Variants in ZNF574 observed in about 807,000 individuals in gnomAD.
ZNF574 encodes the protein zinc finger protein 574.
In ZNF574, 25 loss-of-function variants were observed where a neutral mutation model predicts 56.6. The observed-to-expected ratio is 0.44, with a 90% confidence interval of 0.32 to 0.62. ZNF574 has a LOEUF of 0.62. Ranked by LOEUF, ZNF574 falls within the 20% of genes least tolerant of loss-of-function variation. The pLI is 0.04. For synonymous variants in ZNF574, 543 were observed against 492.1 expected, an observed-to-expected ratio of 1.10 and a Z score of -1.37; for missense variants, 1,065 against 1,218.9, an observed-to-expected ratio of 0.87 and a Z score of 1.88.
intron 1 of ZNF574, chr19:42,070,487 G>C (rs921221516): frequency 1.3e-5 from 2 of 152,968 alleles, no homozygotes; most frequent in African/African-American, 4.8e-5. Context: ...TGAGAGGCAA[G>C]AAGACCCAGG....
At position 42,080,670 on chromosome 19, in the gene ZNF574, C is replaced by G. The variant is rs1568946150; in HGVS notation, c.2064C>G (p.Ala688=). Residue 688 remains alanine, a synonymous_variant, in exon 2 of 2, where the codon GCC becomes GCG. Coordinates refer to ENST00000359044, the MANE Select transcript of ZNF574 (RefSeq NM_022752.6). This position sits in a 1 kb window ranked among gnomAD's most constrained non-coding sequence, Gnocchi z 8.5. ...SAARLQAHEA[A]HAAAGPGEVL... ...CTCGACTGCAGGCACACGAGGCGGCCCATGCAGCTGCTGGGCCTGGAGAGG... is the reference window on the plus strand; with the variant it reads ...CTCGACTGCAGGCACACGAGGCGGCGCATGCAGCTGCTGGGCCTGGAGAGG... 1 of 1,613,174 alleles carries G rather than the reference C, an allele frequency of 6.2e-7. No individual in the cohort carries two copies. The highest frequency in any genetic ancestry group is 2.2e-5 in the East Asian group (1 of 44,870).
Position 42,080,384 on chromosome 19 carries a change from G to T in ZNF574, c.1778G>T (p.Arg593Leu). Residue 593 changes from arginine to leucine, a missense_variant, in exon 2 of 2, where the codon CGC (arginine) becomes CTC (leucine). Physicochemically the swap from Arg to Leu is moderately radical, Grantham distance 102 (BLOSUM62 -2). Coordinates refer to ENST00000359044, the MANE Select transcript of ZNF574 (RefSeq NM_022752.6). This position sits in a 1 kb window ranked among gnomAD's most constrained non-coding sequence, Gnocchi z 8.5. ...ECGVRFHRPY[R>L]LLMHRYHHTG... ...GGGGTGCGTTTTCACCGTCCTTACC[G>T]CCTGCTCATGCACCGCTACCATCAC... 1.2e-6 allele frequency: 2 copies of T among 1,614,204 alleles called. No individual in the cohort carries two copies. The highest frequency in any genetic ancestry group is 2.2e-5 in the East Asian group (1 of 44,888).
chr19:42,079,738 C>G lies in ZNF574; in HGVS notation c.1132C>G (p.Leu378Val). ...DCGLAFGTEA[L>V]LLAHRRAHTP... ...TGGCCTGGCCTTCGGCACAGAGGCCCTCCTCCTGGCCCACCGGCGAGCCCA... is the reference window on the plus strand; with the variant it reads ...TGGCCTGGCCTTCGGCACAGAGGCCGTCCTCCTGGCCCACCGGCGAGCCCA... Residue 378 changes from leucine to valine, a missense_variant, in exon 2 of 2, where the codon CTC (leucine) becomes GTC (valine). Leu to Val is a conservative substitution (Grantham distance 32, BLOSUM62 1). Transcript: ENST00000359044. This position sits in a 1 kb window ranked among gnomAD's most constrained non-coding sequence, Gnocchi z 4.3. The G allele has an allele frequency of 6.2e-7, 1 of 1,614,162 alleles. No individual in the cohort carries two copies. The highest frequency in any genetic ancestry group is 8.5e-7 in the Non-Finnish European group (1 of 1,180,034).
Position 42,080,256 on chromosome 19 carries a change from C to T in ZNF574, c.1650C>T (p.Pro550=), listed in dbSNP as rs1464573535. 2 of 1,614,150 alleles carry T rather than the reference C, an allele frequency of 1.2e-6. No individual in the cohort carries two copies. Among genetic ancestry groups the T allele is most frequent in the Non-Finnish European group, 1.7e-6 (2 of 1,180,026 alleles). Residue 550 remains proline, a synonymous_variant, in exon 2 of 2, where the codon CCC becomes CCT. Transcript: ENST00000359044. This position sits in a 1 kb window ranked among gnomAD's most constrained non-coding sequence, Gnocchi z 8.5. ...RHRLTHTGER[P]YRCGDCGKAF... ...GGCTCACACACACAGGAGAGCGGCC[C>T]TACCGGTGTGGGGACTGTGGCAAGG... is the stretch of plus-strand genomic sequence containing the variant.
At chr19:42,071,729 G>A (rs2146206097), upstream of ZNF574, among the ~76,000 whole-genome samples, 1 of 152,176 alleles carries the variant, frequency 6.6e-6, no homozygotes, top group East Asian at 1.9e-4. Flanking sequence ...TTTCGACCAG[G>A]GCGGTGGCTC....
chr19:42,072,615 G>A (rs2076431862), upstream of ZNF574, among the ~76,000 whole-genome samples: 1 of 149,798 alleles, frequency 6.7e-6, no homozygotes, highest in Non-Finnish European at 1.5e-5. Flanking sequence ...TGCCTAGGTT[G>A]GAGTGCAATG....
chr19:42,068,756 A>G, exon 1 of ZNF574: 1 of 512,840 alleles, frequency 1.9e-6, no homozygotes, highest in Non-Finnish European at 3.5e-6. Context: ...GAAGTTGGGC[A>G]GAGTCAGAGA....
At chr19:42,078,547 G>A (rs770894176) in intron 1 of ZNF574, 40 bp from the exon 2 acceptor site, 26 of 1,543,240 alleles carry the variant, frequency 1.7e-5, no homozygotes, top group East Asian at 4.5e-5. Context: ...CTGAGGAATC[G>A]GTGACCTAAC....
upstream of ZNF574, among the ~76,000 whole-genome samples, chr19:42,073,976 T>C (rs1421768773): frequency 6.7e-6 from 1 of 148,772 alleles, no homozygotes; most frequent in African/African-American, 2.5e-5. Context: ...CTACTAAAAA[T>C]ACAAAAATTA....
chr19:42,074,571 G>A (rs577875947), upstream of ZNF574: 1 of 152,278 alleles, frequency 6.6e-6, no homozygotes, highest in East Asian at 1.9e-4. Flanking sequence ...GGGCTCACAT[G>A]AAATGGGGCT....
At position 42,079,624 on chromosome 19, in the gene ZNF574, C is replaced by T. The variant is rs774900496; in HGVS notation, c.1018C>T (p.Leu340=). 38 of 1,614,050 alleles carry T rather than the reference C, an allele frequency of 2.4e-5. No individual in the cohort carries two copies. The highest frequency in any genetic ancestry group is 1.2e-5 in the Non-Finnish European group (14 of 1,180,044). The change falls in exon 2 of 2, where the codon CTG becomes TTG. Residue 340 remains leucine, a synonymous_variant. Transcript: ENST00000359044. This position sits in a 1 kb window ranked among gnomAD's most constrained non-coding sequence, Gnocchi z 4.3. ...CCGGGAGGGCGTCTTTAAGTGCCCC[C>T]TGTGCAGTCGTGTCTTCCCTAGCCC... ...SHREGVFKCP[L]CSRVFPSPSS...
intron 1 of ZNF574, chr19:42,069,219 T>G: frequency 3.5e-6 from 1 of 289,752 alleles, no homozygotes; most frequent in Non-Finnish European, 6.4e-6. Context: ...CCCAGCCCAA[T>G]CCCTGCCCTG....
chr19:42,072,158 C>T (rs2076428854), upstream of ZNF574, among the ~76,000 whole-genome samples: 1 of 152,086 alleles, frequency 6.6e-6, no homozygotes, highest in Non-Finnish European at 1.5e-5. Flanking sequence ...ACCTGCACCA[C>T]CCAAATCAAG....
In ZNF574 at chr19:42,079,994, C is replaced by T. The variant is rs1555885817; in HGVS notation, c.1388C>T (p.Pro463Leu). 6.2e-7 allele frequency: 1 copy of T among 1,613,974 alleles called. No homozygotes were observed. The highest frequency in any genetic ancestry group is 2.2e-5 in the East Asian group (1 of 44,880). Residue 463 changes from proline to leucine, a missense_variant, in exon 2 of 2, where the codon CCA (proline) becomes CTA (leucine). By Grantham distance (98) the Pro-to-Leu change is moderately conservative. Transcript: ENST00000359044. This position sits in a 1 kb window ranked among gnomAD's most constrained non-coding sequence, Gnocchi z 4.3. ...SEETSAGPAA[P>L]GTYRCLLCSR... ...GAGACCTCAGCAGGGCCCGCTGCCC[C>T]AGGCACCTACCGCTGCCTCCTGTGC...
rs781130267 is a variant in ZNF574, at chr19:42,081,366, A to C, written c.*69A>C. On this transcript the variant is annotated 3_prime_UTR_variant, in exon 2 of 2. Coordinates refer to ENST00000359044, the MANE Select transcript of ZNF574 (RefSeq NM_022752.6). ...AAGGCCCTCCAGCATCCCCTTAAGC[A>C]TCTGTACATACTGTGTCCCTTCCTC... The C allele has an allele frequency of 6.3e-7, 1 of 1,578,930 alleles. No individual in the cohort carries two copies. The highest frequency in any genetic ancestry group is 2.2e-5 in the East Asian group (1 of 44,710).
At chr19:42,072,568 C>CT (rs888861060), upstream of ZNF574, among the ~76,000 whole-genome samples, 696 of 144,090 alleles carry the variant, frequency 4.8e-3, 2 homozygotes, top group African/African-American at 0.014. Flanking sequence ...TTCTTTCTTT[C>CT]TTTTTTTTTT....
rs1276664355 is a variant in ZNF574, at chr19:42,079,736, CCCT to C, written c.1137_1139del (p.Leu380del). 2 of 1,613,990 alleles carry C rather than the reference CCCT, an allele frequency of 1.2e-6. No homozygotes were observed. The highest frequency in any genetic ancestry group is 1.3e-5 in the African/African-American group (1 of 74,894). ...TGTGGCCTGGCCTTCGGCACAGAGGCCCTCCTCCTGGCCCACCGGCGAGCCCAC... is the reference window on the plus strand; with the variant it reads ...TGTGGCCTGGCCTTCGGCACAGAGGCCCTCCTGGCCCACCGGCGAGCCCAC... On this transcript the variant is annotated inframe_deletion, in exon 2 of 2. Coordinates refer to ENST00000359044, the MANE Select transcript of ZNF574 (RefSeq NM_022752.6). This position sits in a 1 kb window ranked among gnomAD's most constrained non-coding sequence, Gnocchi z 4.3.
In ZNF574 at chr19:42,081,520, A is replaced by G. The variant is rs1568947061; in HGVS notation, c.*223A>G. Reference sequence around the variant, plus strand: ...CCTCTTAGCACTGGTGACCCCAAAAATGAAACCATCAATAAAGACTGAGTT... The same window carrying G: ...CCTCTTAGCACTGGTGACCCCAAAAGTGAAACCATCAATAAAGACTGAGTT... On this transcript the variant is annotated 3_prime_UTR_variant, in exon 2 of 2. Coordinates refer to ENST00000359044, the MANE Select transcript of ZNF574 (RefSeq NM_022752.6). 1 of 612,980 alleles carries G rather than the reference A, an allele frequency of 1.6e-6. No individual in the cohort carries two copies. 38.0% of individuals were successfully genotyped at this position (612,980 alleles called of 1,614,324 possible). A position where few individuals can be genotyped will look rare whatever the true frequency, so the allele number is the denominator to read the frequency against.
At chr19:42,070,557 G>C (rs1187404025) in intron 1 of ZNF574, 3 of 152,590 alleles carry the variant, frequency 2.0e-5, no homozygotes, top group African/African-American at 7.2e-5. Context: ...GAAGAGAAGA[G>C]AGACAGCCGT....
Sources: allele counts gnomAD v4.1 joint callset (sites outside exome capture counted in the v4.1 genomes callset), GRCh38; gene constraint gnomAD v4.1.1; non-coding constraint Gnocchi (gnomAD v3.1); transcripts MANE v1.5; gene names NCBI Gene and HGNC (gene_info 2026-07-23, HGNC 2026-07-21).